The following NRG1 variants were observed in gnomAD, a reference collection of about 807,000 sequenced individuals.
NRG1 encodes the protein pro-neuregulin-1, membrane-bound isoform.
Under a neutral mutation model 63.8 loss-of-function variants are expected in NRG1, and 18 were observed. The observed-to-expected ratio is 0.28, with a 90% CI of 0.19 to 0.42. NRG1 has a LOEUF of 0.42. Among genes scored for constraint, NRG1 ranks in the 10% least tolerant of loss-of-function variants. NRG1 has a pLI of 1.00. For missense variants in NRG1, 762 were observed against 814.7 expected (o/e 0.94, Z 0.79); for synonymous variants, 302 against 301.3 (o/e 1.00, Z -0.02).
chr8:31,837,057 T>G (rs956946422), intron 1 of NRG1, among the ~76,000 whole-genome samples: 3 of 152,078 alleles, frequency 2.0e-5, no homozygotes, highest in African/African-American at 7.2e-5. Flanking sequence ...AAGGGCCATT[T>G]GTATTTTATT....
At chr8:31,894,603 T>A (rs949085874) in intron 1 of NRG1, among the ~76,000 whole-genome samples, 1 of 145,182 alleles carries the variant, frequency 6.9e-6, no homozygotes, top group Non-Finnish European at 1.5e-5. Flanking sequence ...CAGGCTGGAG[T>A]GCAGTGGTGC....
chr8:32,738,425 T>TACACACACAC (rs35398326), intron 6 of NRG1, among the ~76,000 whole-genome samples: 1 of 149,664 alleles, frequency 6.7e-6, no homozygotes, highest in East Asian at 2.0e-4. Context: ...GGTATATACA[T>TACACACACAC]ACACACACAC....
chr8:32,455,667 T>C (rs137954671), intron 1 of NRG1, among the ~76,000 whole-genome samples: 87 of 152,346 alleles, frequency 5.7e-4, no homozygotes, highest in Non-Finnish European at 1.0e-3. Flanking sequence ...TTGATTTAGA[T>C]ACCAATTAGG....
At chr8:31,856,286 A>G (rs1042677363) in intron 1 of NRG1, among the ~76,000 whole-genome samples, 16 of 152,074 alleles carry the variant, frequency 1.1e-4, no homozygotes, top group African/African-American at 3.9e-4. Context: ...ACATAGTCCC[A>G]TATTTCTTGG....
At chr8:32,339,842 C>A (rs991501294) in intron 1 of NRG1, among the ~76,000 whole-genome samples, 4 of 152,164 alleles carry the variant, frequency 2.6e-5, no homozygotes, top group South Asian at 2.1e-4. Context: ...CCTTTGTAAG[C>A]CTTGAAATGC....
At chr8:32,208,266 G>A (rs1381629147) in intron 1 of NRG1, among the ~76,000 whole-genome samples, 1 of 151,486 alleles carries the variant, frequency 6.6e-6, no homozygotes, top group Non-Finnish European at 1.5e-5. Context: ...CATTGCTGGT[G>A]GGACTATGAA....
exon 12 of NRG1, chr8:32,765,405 A>C (rs2129063432): frequency 6.6e-6 from 1 of 152,316 alleles, no homozygotes; most frequent in Admixed American, 6.5e-5. Flanking sequence ...TTTGTCTGAA[A>C]TACTTCTAGA....
At chr8:32,276,685 G>A (rs954336438) in intron 1 of NRG1, among the ~76,000 whole-genome samples, 4 of 152,090 alleles carry the variant, frequency 2.6e-5, no homozygotes, top group Non-Finnish European at 5.9e-5. Context: ...TATATTTTTT[G>A]TAGAGGAAGG....
rs867326012 is a variant in NRG1 at position 31,879,730 on chromosome 8, C to T, written c.37+240299C>T. Among the ~76,000 whole-genome samples, 83 of 152,224 alleles carry T rather than the reference C, an allele frequency of 5.5e-4. 1 individual carries two copies. Among genetic ancestry groups the T allele is most frequent in the African/African-American group, 1.8e-3 (73 of 41,536 alleles). ...CTCCTACCCTCCACCCTCAAGTAGA[C>T]CTGAGTGTCTGTTGTTTCCTTCTTT... On this transcript the variant is annotated intron_variant, in intron 1 of 10. Transcript: ENST00000519301.
chr8:32,500,427 T>G (rs1827733839), intron 1 of NRG1, among the ~76,000 whole-genome samples: 1 of 152,080 alleles, frequency 6.6e-6, no homozygotes, highest in Non-Finnish European at 1.5e-5. Flanking sequence ...CAGATACGAG[T>G]CTTACTTTTC....
At chr8:32,461,600 G>A (rs1395278710) in intron 1 of NRG1, among the ~76,000 whole-genome samples, 1 of 152,042 alleles carries the variant, frequency 6.6e-6, no homozygotes, top group Non-Finnish European at 1.5e-5. Context: ...TGGGAGGTGG[G>A]AGAATTGCTT....
intron 1 of NRG1, among the ~76,000 whole-genome samples, chr8:32,188,491 A>C (rs865882244): frequency 6.6e-6 from 1 of 152,192 alleles, no homozygotes; most frequent in Non-Finnish European, 1.5e-5. Flanking sequence ...GCTACATTGC[A>C]TGGCGAAGGG....
chr8:32,363,794 A>G (rs191279952), intron 1 of NRG1, among the ~76,000 whole-genome samples: 37 of 152,288 alleles, frequency 2.4e-4, no homozygotes, highest in Admixed American at 7.2e-4. Flanking sequence ...ATATCAAAAA[A>G]TAAGAAATAA....
At chr8:32,567,753 T>G (rs1453035797) in intron 1 of NRG1, among the ~76,000 whole-genome samples, 1 of 152,270 alleles carries the variant, frequency 6.6e-6, no homozygotes, top group Non-Finnish European at 1.5e-5. Flanking sequence ...GCCTTTGAAG[T>G]GTCTTAAGGC....
chr8:32,372,375 C>G (rs1238859245), intron 1 of NRG1, among the ~76,000 whole-genome samples: 1 of 151,994 alleles, frequency 6.6e-6, no homozygotes, highest in Non-Finnish European at 1.5e-5. Context: ...AACAAGTTCT[C>G]TGCCCTTCGT....
intron 1 of NRG1, among the ~76,000 whole-genome samples, chr8:32,170,221 A>C (rs1839884626): frequency 6.6e-6 from 1 of 152,224 alleles, no homozygotes; most frequent in Admixed American, 6.5e-5. Flanking sequence ...CTGTTACACA[A>C]ATCCTAGGAA....
chr8:31,783,424 A>C (rs1395465130), intron 1 of NRG1, among the ~76,000 whole-genome samples: 1 of 152,124 alleles, frequency 6.6e-6, no homozygotes, highest in Non-Finnish European at 1.5e-5. Flanking sequence ...CTATCCAAAG[A>C]CAAATATTTG....
chr8:31,765,481 C>T (rs1251559977), intron 1 of NRG1, among the ~76,000 whole-genome samples: 1 of 152,184 alleles, frequency 6.6e-6, no homozygotes. Flanking sequence ...TGTAGATACT[C>T]TTCATCAAAC....
At chr8:31,799,199 T>A (rs1821516682) in intron 1 of NRG1, among the ~76,000 whole-genome samples, 1 of 152,120 alleles carries the variant, frequency 6.6e-6, no homozygotes, top group South Asian at 2.1e-4. Flanking sequence ...AAACAACTTT[T>A]TATTCAATAG....
Sources: gnomAD v4.1 joint callset for allele counts (sites outside exome capture counted in the v4.1 genomes callset) on GRCh38, gnomAD v4.1.1 for gene constraint, MANE v1.5 for transcripts, NCBI Gene and HGNC (gene_info 2026-07-23, HGNC 2026-07-21) for gene names.